Variants in IGF2R observed in about 807,000 individuals in gnomAD.
IGF2R encodes insulin like growth factor 2 receptor, also known as cation-independent mannose-6-phosphate receptor.
A neutral mutation model predicts 270.6 loss-of-function variants in IGF2R; 91 were observed. The observed-to-expected ratio is 0.34, with a 90% CI of 0.28 to 0.40. The LOEUF is 0.40. Ranked by LOEUF, IGF2R falls within the 10% of genes least tolerant of loss-of-function variation. IGF2R has a pLI of 1.00. For synonymous variants in IGF2R, 1,316 were observed against 1,258.9 expected (o/e 1.05, Z -0.96); for missense variants, 2,805 against 3,188.3 (o/e 0.88, Z 2.90).
At chr6:160,065,221 G>A (rs1778541421) in intron 29 of IGF2R, among the ~76,000 whole-genome samples, 1 of 152,160 alleles carries the variant, frequency 6.6e-6, no homozygotes, top group African/African-American at 2.4e-5. Flanking sequence ...GGAGGTCTTC[G>A]TTGCATGTGA....
intron 22 of IGF2R, among the ~76,000 whole-genome samples, chr6:160,059,313 A>G (rs1228343500): frequency 6.6e-6 from 1 of 152,166 alleles, no homozygotes; most frequent in African/African-American, 2.4e-5. Flanking sequence ...GTGGTATCAC[A>G]TGGTCCGAAA....
Position 160,043,187 on chromosome 6 carries a change from C to A in IGF2R, c.1520C>A (p.Thr507Lys). The A allele has an allele frequency of 1.2e-6, 2 of 1,614,076 alleles. No homozygotes were observed. Among genetic ancestry groups the A allele is most frequent in the Non-Finnish European group, 1.7e-6 (2 of 1,179,976 alleles). The change falls in exon 12 of 48, where the codon ACG becomes AAG. Residue 507 changes from threonine (T) to lysine (K), a missense_variant. Thr to Lys is a moderately conservative substitution (Grantham distance 78). Around this residue, in one of 2 missense-constraint regions of IGF2R, gnomAD observed 954 missense variants for 981.1 expected, o/e 0.97. Transcript: ENST00000356956. ...QNWEAVDGSQ[T>K]ETEKKHFFIN... ...TGGGAAGCTGTGGATGGCAGTCAGA[C>A]GGAAACAGAGAAGAAGCATTTTTTC...
chr6:160,068,574 G>C (rs1778644152), intron 30 of IGF2R, among the ~76,000 whole-genome samples, 189 bp downstream of exon 30: 1 of 152,092 alleles, frequency 6.6e-6, no homozygotes, highest in South Asian at 2.1e-4. Context: ...TGGTGAGAGA[G>C]GTCCTCCTCG....
At chr6:160,083,227 T>C (rs1779024644) in intron 39 of IGF2R, among the ~76,000 whole-genome samples, 1 of 152,262 alleles carries the variant, frequency 6.6e-6, no homozygotes, top group East Asian at 1.9e-4. Flanking sequence ...GTACTATGCC[T>C]GGACATGCAC....
At position 160,053,033 on chromosome 6, in the gene IGF2R, A is replaced by G. The variant is rs545841972; in HGVS notation, c.2694+2381A>G. 3.3e-5 allele frequency among the ~76,000 whole-genome samples: 5 copies of G among 152,374 alleles called. No individual in the cohort carries two copies. The South Asian group carries it at 1.0e-3, about 32-fold the overall frequency. On this transcript the variant is annotated intron_variant, in intron 19 of 47. Coordinates refer to ENST00000356956, the MANE Select transcript of IGF2R (RefSeq NM_000876.4). ...GGACATAAGCATGGGCAAGGACTTC[A>G]TGACTAAAACACCAAAAGCAATGGC...
intron 44 of IGF2R, chr6:160,095,615 T>G (rs1779339378): frequency 6.6e-6 from 1 of 152,234 alleles, no homozygotes; most frequent in Non-Finnish European, 1.5e-5. Flanking sequence ...TGCTAATCCC[T>G]TAGAAACAAG....
chr6:160,047,889 A>T lies in IGF2R; in HGVS notation c.2327A>T (p.Glu776Val). 6.2e-7 allele frequency: 1 copy of T among 1,612,208 alleles called. No homozygotes were observed. The change falls in exon 17 of 48, where the codon GAG becomes GTG. Residue 776 changes from glutamate to valine, a missense_variant. By Grantham distance (121) the Glu-to-Val change is moderately radical (BLOSUM62 -2). Coordinates refer to ENST00000356956, the MANE Select transcript of IGF2R (RefSeq NM_000876.4). ...GTAGTGACCGACCCCTCCACGCTGG[A>T]GCAGTACGACCTCTCCAGGTGAGGC... ...ECVVTDPSTL[E>V]QYDLSSLAKS...
intron 41 of IGF2R, among the ~76,000 whole-genome samples, chr6:160,086,416 G>A (rs1779098367): frequency 6.6e-6 from 1 of 152,196 alleles, no homozygotes; most frequent in South Asian, 2.1e-4. Flanking sequence ...ATGGACCCCT[G>A]TTGGGGTGGG....
chr6:160,067,015 C>G (rs1778599356), intron 29 of IGF2R, among the ~76,000 whole-genome samples: 1 of 152,182 alleles, frequency 6.6e-6, no homozygotes, highest in South Asian at 2.1e-4. Context: ...GAATGATCCT[C>G]TTGAGATATA....
At chr6:160,016,889 A>C (rs1777312215) in intron 4 of IGF2R, among the ~76,000 whole-genome samples, 1 of 152,244 alleles carries the variant, frequency 6.6e-6, no homozygotes, top group African/African-American at 2.4e-5. Flanking sequence ...AGCAAAAGTA[A>C]ATTCAAACCA....
In IGF2R at chr6:160,089,778, C is replaced by T. The variant is rs8191928; in HGVS notation, c.6468-138C>T. 158 of 544,074 alleles carry T rather than the reference C, an allele frequency of 2.9e-4. No individual in the cohort carries two copies. In the Middle Eastern group the frequency reaches 3.1e-3, roughly 11 times the overall value. The allele number at this position is 544,074 out of a possible 1,614,324, so 33.7% of individuals were successfully genotyped here. A position where few individuals can be genotyped will look rare whatever the true frequency, so the allele number is the denominator to read the frequency against. ...TGCTGTGGGGTCACAGACGTGCTGC[C>T]CTAGCGTGTCCGTGCTTCCTTTCCC... On this transcript the variant is annotated intron_variant, in intron 43 of 47. Coordinates refer to ENST00000356956, the MANE Select transcript of IGF2R (RefSeq NM_000876.4).
chr6:160,000,501 C>G lies in IGF2R; in HGVS notation c.290-8509C>G, dbSNP rs534254946. On this transcript the variant is annotated intron_variant, in intron 2 of 47. Transcript: ENST00000356956. ...TCCAACACTCGGGATCACAATTCAT[C>G]ATGAGATTTGGGTGGCGAGACAGAG... Among the ~76,000 whole-genome samples, 7 of 152,282 alleles carry G rather than the reference C, an allele frequency of 4.6e-5. No homozygotes were observed. The South Asian group carries it at 1.5e-3, about 32-fold the overall frequency.
intron 44 of IGF2R, chr6:160,093,234 T>G: frequency 6.1e-6 from 1 of 165,126 alleles, no homozygotes; most frequent in Admixed American, 5.9e-5. Flanking sequence ...GTCCAGAGTT[T>G]TTCCCGGGGC....
intron 12 of IGF2R, among the ~76,000 whole-genome samples, chr6:160,043,632 C>T (rs1777997183): frequency 6.6e-6 from 1 of 152,186 alleles, no homozygotes; most frequent in Admixed American, 6.5e-5. Context: ...AACTTTATTG[C>T]CTAGAATCGT....
At chr6:160,052,703 C>T (rs888109614) in intron 19 of IGF2R, among the ~76,000 whole-genome samples, 2 of 152,188 alleles carry the variant, frequency 1.3e-5, no homozygotes, top group Non-Finnish European at 2.9e-5. Context: ...GCTACAATAA[C>T]CAAAACAGCA....
intron 2 of IGF2R, among the ~76,000 whole-genome samples, chr6:160,007,882 GA>G (rs1272391612): frequency 6.6e-6 from 1 of 152,046 alleles, no homozygotes; most frequent in African/African-American, 2.4e-5. Flanking sequence ...TAATCTTTTT[GA>G]GTCTTAAGAA....
intron 4 of IGF2R, among the ~76,000 whole-genome samples, chr6:160,020,216 A>G (rs1777402068): frequency 6.6e-6 from 1 of 152,120 alleles, no homozygotes; most frequent in African/African-American, 2.4e-5. Context: ...TCACTAAAAA[A>G]AAAAAACCCA....
intron 1 of IGF2R, among the ~76,000 whole-genome samples, chr6:159,985,795 A>G (rs1259490917): frequency 1.3e-5 from 2 of 152,134 alleles, no homozygotes; most frequent in East Asian, 3.9e-4. Flanking sequence ...GTGCATTTGG[A>G]TTTTTTGAGA....
At chr6:160,019,435 A>G (rs1777380794) in intron 4 of IGF2R, among the ~76,000 whole-genome samples, 1 of 152,194 alleles carries the variant, frequency 6.6e-6, no homozygotes, top group South Asian at 2.1e-4. Context: ...GTTACCAAAA[A>G]TCAGAGGAGG....
Sources: gnomAD v4.1 joint callset for allele counts (sites outside exome capture counted in the v4.1 genomes callset) on GRCh38, gnomAD v4.1.1 for gene constraint, gnomAD v4.1.1 regional missense constraint, MANE v1.5 for transcripts, NCBI Gene and HGNC (gene_info 2026-07-23, HGNC 2026-07-21) for gene names.